HS3ST5: variants seen among roughly 807,000 people sequenced by gnomAD.
HS3ST5 encodes heparan sulfate-glucosamine 3-sulfotransferase 5, also known as heparan sulfate glucosamine 3-O-sulfotransferase 5.
HS3ST5 carries 10 observed loss-of-function variants against 25.4 expected under a neutral mutation model. The ratio of observed to expected loss-of-function variants is 0.39; its 90% CI spans 0.24 to 0.67. The LOEUF (loss-of-function observed/expected upper bound fraction) is 0.67, where lower values mean the gene tolerates loss of function less well. Among genes scored for constraint, HS3ST5 ranks in the 30% least tolerant of loss-of-function variants. The pLI is 0.44. For missense variants in HS3ST5, 324 were observed against 420.7 expected (o/e 0.77, Z 2.01); for synonymous variants, 170 against 162.4 (o/e 1.05, Z -0.36).
chr6:114,109,035 C>T (rs543050625), intron 3 of HS3ST5, among the ~76,000 whole-genome samples: 57 of 152,098 alleles, frequency 3.7e-4, no homozygotes, highest in African/African-American at 1.3e-3. Context: ...TGGTGGCAGG[C>T]GCTTGTAGTC....
intron 2 of HS3ST5, among the ~76,000 whole-genome samples, chr6:114,190,283 G>GAGGCCATTTCCTGAGCTTTCTGGA (rs1780438753): frequency 6.6e-6 from 1 of 152,124 alleles, no homozygotes; most frequent in Non-Finnish European, 1.5e-5. Context: ...GACACACAGT[G>GAGGCCATTTCCTGAGCTTTCTGGA]AGGCCATTTC....
intron 2 of HS3ST5, among the ~76,000 whole-genome samples, chr6:114,185,309 G>T (rs527910457): frequency 4.2e-4 from 64 of 152,234 alleles, no homozygotes; most frequent in African/African-American, 1.5e-3. Context: ...CTCATGAATA[G>T]AATTAGTACC....
At chr6:114,260,695 C>T (rs1182748402) in intron 1 of HS3ST5, among the ~76,000 whole-genome samples, 1 of 152,164 alleles carries the variant, frequency 6.6e-6, no homozygotes, top group African/African-American at 2.4e-5. Context: ...ATACTTGAAG[C>T]CATCCTCTAC....
At chr6:114,243,956 G>A (rs954579938) in intron 1 of HS3ST5, among the ~76,000 whole-genome samples, 3 of 152,210 alleles carry the variant, frequency 2.0e-5, no homozygotes, top group African/African-American at 7.2e-5. Flanking sequence ...GAATGCGATA[G>A]AAGTGGAATT....
chr6:114,264,870 G>A (rs1773335437), intron 1 of HS3ST5, among the ~76,000 whole-genome samples: 2 of 152,070 alleles, frequency 1.3e-5, no homozygotes, highest in African/African-American at 4.8e-5. Flanking sequence ...AGAATACAGA[G>A]CAAGAGTTGG....
At chr6:114,183,290 A>G (rs1270227668) in intron 2 of HS3ST5, among the ~76,000 whole-genome samples, 1 of 152,180 alleles carries the variant, frequency 6.6e-6, no homozygotes, top group Non-Finnish European at 1.5e-5. Flanking sequence ...ATGGTAGTGA[A>G]TAAGTCTCAT....
At chr6:114,184,304 C>T (rs1197757037) in intron 2 of HS3ST5, among the ~76,000 whole-genome samples, 1 of 152,080 alleles carries the variant, frequency 6.6e-6, no homozygotes, top group Admixed American at 6.6e-5. Context: ...CAAAAAGGAA[C>T]TAGAACTAAG....
At chr6:114,062,467 C>T (rs1250661376) in intron 4 of HS3ST5, among the ~76,000 whole-genome samples, 1 of 152,214 alleles carries the variant, frequency 6.6e-6, no homozygotes, top group Non-Finnish European at 1.5e-5. Context: ...TATTAAATGA[C>T]ATTTTTACTG....
At chr6:114,214,594 A>G (rs1041706090) in intron 2 of HS3ST5, among the ~76,000 whole-genome samples, 4 of 152,260 alleles carry the variant, frequency 2.6e-5, no homozygotes, top group Non-Finnish European at 5.9e-5. Flanking sequence ...CCTTAACTGC[A>G]CGTCAGAAAC....
intron 1 of HS3ST5, among the ~76,000 whole-genome samples, chr6:114,269,872 C>T (rs1038535043): frequency 6.6e-6 from 1 of 152,180 alleles, no homozygotes; most frequent in African/African-American, 2.4e-5. Flanking sequence ...CACATTTTCA[C>T]ACAGCCTTTC....
chr6:114,061,421 A>C (rs956544133), intron 4 of HS3ST5, among the ~76,000 whole-genome samples: 1 of 152,190 alleles, frequency 6.6e-6, no homozygotes, highest in Non-Finnish European at 1.5e-5. Flanking sequence ...ATTGAGAAGC[A>C]TCAAAGGAGT....
intron 3 of HS3ST5, among the ~76,000 whole-genome samples, chr6:114,064,125 G>A (rs1773311972): frequency 6.6e-6 from 1 of 152,096 alleles, no homozygotes. Flanking sequence ...AACCCAAGAA[G>A]GAAGCTATAT....
In HS3ST5 at chr6:114,163,699, G is replaced by A. The variant is rs577777368; in HGVS notation, c.-33+4652C>T. ...TGTTTACTAGGATAATGAACTTAAG[G>A]TCTCTAAGGCAGCTAACCCAGTACC... On this transcript the variant is annotated intron_variant, in intron 3 of 4. Transcript: ENST00000312719. Among the ~76,000 whole-genome samples, 205 of 152,106 alleles carry A rather than the reference G, an allele frequency of 1.3e-3. 1 individual carries two copies. The highest frequency in any genetic ancestry group is 2.5e-3 in the Non-Finnish European group (171 of 68,020).
In HS3ST5 at chr6:114,057,838, C is replaced by T. The variant is rs1249137299; in HGVS notation, c.460G>A (p.Glu154Lys). 3.7e-6 allele frequency: 6 copies of T among 1,613,972 alleles called. No individual in the cohort carries two copies. The highest frequency in any genetic ancestry group is 5.1e-6 in the Non-Finnish European group (6 of 1,180,016). Residue 154 changes from glutamate (E) to lysine (K), a missense_variant, in exon 5 of 5, where the codon GAA becomes AAA. By Grantham distance (56) the Glu-to-Lys change is moderately conservative. Transcript: ENST00000312719. ...PFSYPQQITI[E>K]KSPAYFITEE... ...GTGATAAAATATGCTGGGCTCTTTT[C>T]AATTGTGATTTGCTGAGGGTAGGAA...
chr6:114,200,660 A>G (rs1582708408), intron 2 of HS3ST5, among the ~76,000 whole-genome samples: 1 of 152,148 alleles, frequency 6.6e-6, no homozygotes, highest in Admixed American at 6.5e-5. Context: ...GCAAACACCA[A>G]TTAAAACTGT....
chr6:114,176,539 A>C (rs1431789926), intron 2 of HS3ST5, among the ~76,000 whole-genome samples: 1 of 152,200 alleles, frequency 6.6e-6, no homozygotes, highest in Non-Finnish European at 1.5e-5. Context: ...TTTGCTTTTC[A>C]TTCACAACAA....
At position 114,084,543 on chromosome 6, in the gene HS3ST5, C is replaced by T. The variant is rs967847716; in HGVS notation, c.-32-21666G>A. On this transcript the variant is annotated intron_variant, in intron 3 of 4. Transcript: ENST00000312719. ...GAGCCGGCGTCCACCGCATCACACC[C>T]GCTGAGTGAGCTCCCTCGTTGTTGC... The T allele has an allele frequency of 1.2e-5, 9 of 760,356 alleles. 1 individual carries two copies. The highest frequency in any genetic ancestry group is 6.8e-4 in the Middle Eastern group (2 of 2,932). The allele number at this position is 760,356 out of a possible 1,614,324, so 47.1% of individuals were successfully genotyped here.
At chr6:114,184,381 T>C (rs1264005930) in intron 2 of HS3ST5, among the ~76,000 whole-genome samples, 13 of 152,184 alleles carry the variant, frequency 8.5e-5, no homozygotes, top group Non-Finnish European at 1.3e-4. Flanking sequence ...AAGACAGTAC[T>C]GTAGATATGG....
chr6:114,296,147 G>C (rs1774810782), intron 1 of HS3ST5, among the ~76,000 whole-genome samples: 1 of 152,052 alleles, frequency 6.6e-6, no homozygotes, highest in Admixed American at 6.5e-5. Context: ...TCATCTCACT[G>C]TTCATAACTA....
Sources: allele counts gnomAD v4.1 joint callset (sites outside exome capture counted in the v4.1 genomes callset), GRCh38; gene constraint gnomAD v4.1.1; transcripts MANE v1.5; gene names NCBI Gene and HGNC (gene_info 2026-07-23, HGNC 2026-07-21).